The following BRINP1 variants were observed in gnomAD, a reference collection of about 807,000 sequenced individuals.
BRINP1 encodes BMP/retinoic acid inducible neural specific 1.
A neutral mutation model predicts 72.9 loss-of-function variants in BRINP1; 17 were observed. The ratio of observed to expected loss-of-function variants is 0.23; its 90% confidence interval spans 0.16 to 0.35. The LOEUF (loss-of-function observed/expected upper bound fraction) is 0.35. Ranked by LOEUF, BRINP1 falls within the 10% of genes least tolerant of loss-of-function variation. BRINP1 has a pLI of 1.00. For missense variants in BRINP1, 850 were observed against 1,001.6 expected (o/e 0.85, Z 2.04); for synonymous variants, 418 against 378.5 (o/e 1.10, Z -1.21).
At chr9:119,235,155 T>A (rs1443835031) in intron 5 of BRINP1, among the ~76,000 whole-genome samples, 1 of 152,112 alleles carries the variant, frequency 6.6e-6, no homozygotes, top group Non-Finnish European at 1.5e-5. Context: ...CCCCCTCTAA[T>A]TAACTGTCCA....
rs930538411 is a variant in BRINP1, at chr9:119,369,033, C to T, written c.-51+23G>A. 3.0e-5 allele frequency: 12 copies of T among 394,188 alleles called. No individual in the cohort carries two copies. In the East Asian group the frequency reaches 4.3e-4, roughly 14 times the overall value. 24.4% of individuals were successfully genotyped at this position (394,188 alleles called of 1,614,324 possible). A position where few individuals can be genotyped will look rare whatever the true frequency, so the allele number is the denominator to read the frequency against. On this transcript the variant is annotated intron_variant, in intron 1 of 7. Coordinates refer to ENST00000265922, the MANE Select transcript of BRINP1 (RefSeq NM_014618.3). ...GTCCAAGGGCAGCGGGGCTGCGGGGCGCTGCACCCGGCGCCGCCTTACCTG... is the reference window on the plus strand; with the variant it reads ...GTCCAAGGGCAGCGGGGCTGCGGGGTGCTGCACCCGGCGCCGCCTTACCTG...
In BRINP1 at chr9:119,358,202, T is replaced by C. The variant is rs117015120; in HGVS notation, c.-51+10854A>G. Among the ~76,000 whole-genome samples, 726 of 151,522 alleles carry C rather than the reference T, an allele frequency of 4.8e-3. 7 individuals carry two copies. The highest frequency in any genetic ancestry group is 8.6e-3 in the Non-Finnish European group (581 of 67,844). Reference sequence around the variant, plus strand: ...GAAGAGGGGAATCATAAGAAGGAGGTTGATAAACACAGTTCACACAAGAGC... The same window carrying C: ...GAAGAGGGGAATCATAAGAAGGAGGCTGATAAACACAGTTCACACAAGAGC... On this transcript the variant is annotated intron_variant, in intron 1 of 7. Coordinates refer to ENST00000265922, the MANE Select transcript of BRINP1 (RefSeq NM_014618.3).
At position 119,313,140 on chromosome 9, in the gene BRINP1, G is replaced by A; in HGVS notation, c.216C>T (p.Tyr72=). ...RQGFTTRYKI[Y]REFARWKVRN... is the part of the protein sequence containing the mutation. ...GGGCTATTTAGCCCAGGTCTTACCT[G>A]TATATTTTATATCTGGTTGTAAATC... The change falls in exon 2 of 8, where the codon TAC becomes TAT. Residue 72 remains tyrosine (Y), a splice_region_variant and synonymous_variant. Coordinates refer to ENST00000265922, the MANE Select transcript of BRINP1 (RefSeq NM_014618.3). The A allele has an allele frequency of 6.2e-7, 1 of 1,613,606 alleles. No individual in the cohort carries two copies. Among genetic ancestry groups the A allele is most frequent in the Non-Finnish European group, 8.5e-7 (1 of 1,179,962 alleles).
rs180678190 is a variant in BRINP1, at chr9:119,362,372, T to A, written c.-51+6684A>T. On this transcript the variant is annotated intron_variant, in intron 1 of 7. Transcript: ENST00000265922. ...GAGACCTTATAGTTCACTGTCGACA[T>A]CCTCCTCACCACTATCACTACTGAA... 9.1e-4 allele frequency among the ~76,000 whole-genome samples: 138 copies of A among 152,238 alleles called. 1 individual carries two copies. The East Asian group carries it at 0.021, about 23-fold the overall frequency.
At chr9:119,275,032 G>A (rs1275124793) in intron 2 of BRINP1, among the ~76,000 whole-genome samples, 6 of 152,120 alleles carry the variant, frequency 3.9e-5, no homozygotes, top group Non-Finnish European at 8.8e-5. Context: ...GCTTAGATAG[G>A]AATGTGGTTT....
At chr9:119,195,614 T>C (rs1829729985) in intron 7 of BRINP1, among the ~76,000 whole-genome samples, 1 of 152,198 alleles carries the variant, frequency 6.6e-6, no homozygotes. Flanking sequence ...CCACATGGGG[T>C]AAATTTATTT....
chr9:119,332,017 C>T (rs978379006), intron 1 of BRINP1, among the ~76,000 whole-genome samples: 22 of 152,290 alleles, frequency 1.4e-4, no homozygotes, highest in African/African-American at 5.1e-4. Context: ...CATTGCTGAA[C>T]TCTAAGAAAT....
At position 119,321,284 on chromosome 9, in the gene BRINP1, G is replaced by A. The variant is rs142732895; in HGVS notation, c.-50-7879C>T. Reference sequence around the variant, plus strand: ...AGGGGAAACTGAGGTTCAGAAAGGCGAAGTAACTGGCCTCATACCACAAAG... The same window carrying A: ...AGGGGAAACTGAGGTTCAGAAAGGCAAAGTAACTGGCCTCATACCACAAAG... On this transcript the variant is annotated intron_variant, in intron 1 of 7. Transcript: ENST00000265922. Among the ~76,000 whole-genome samples the A allele has an allele frequency of 2.1e-3, 324 of 152,202 alleles. 1 individual carries two copies. The highest frequency in any genetic ancestry group is 7.5e-3 in the African/African-American group (311 of 41,534).
chr9:119,280,968 G>GT (rs957191923), intron 2 of BRINP1, among the ~76,000 whole-genome samples: 3 of 152,176 alleles, frequency 2.0e-5, no homozygotes, highest in Non-Finnish European at 4.4e-5. Flanking sequence ...AGCCACAGAG[G>GT]TTTGATTTTG....
At chr9:119,245,863 CCTT>C (rs748084725) in intron 3 of BRINP1, among the ~76,000 whole-genome samples, 140 of 152,254 alleles carry the variant, frequency 9.2e-4, no homozygotes, top group Non-Finnish European at 1.6e-3. Flanking sequence ...ATTTGCACCT[CCTT>C]CTTTATAGAT....
chr9:119,265,673 C>G (rs529250377), intron 2 of BRINP1, among the ~76,000 whole-genome samples: 135 of 152,280 alleles, frequency 8.9e-4, no homozygotes, highest in African/African-American at 3.0e-3. Flanking sequence ...AACCATGTCT[C>G]TCTCAAACTC....
rs867494933 is a variant in BRINP1, at chr9:119,241,238, C to T, written c.579+809G>A. On this transcript the variant is annotated intron_variant, in intron 4 of 7. Coordinates refer to ENST00000265922, the MANE Select transcript of BRINP1 (RefSeq NM_014618.3). ...CCCAGGTGACTAGTGGCTACTATCT[C>T]GGCTAGCACAGATACAGGGCCTTTC... is the stretch of plus-strand genomic sequence containing the variant. Among the ~76,000 whole-genome samples, 14 of 152,284 alleles carry T rather than the reference C, an allele frequency of 9.2e-5. No individual in the cohort carries two copies. In the Middle Eastern group the frequency reaches 0.014, roughly 148 times the overall value.
intron 3 of BRINP1, 68 bp from the exon 4 acceptor site, chr9:119,242,284 C>G: frequency 8.3e-6 from 11 of 1,320,672 alleles, no homozygotes; most frequent in Non-Finnish European, 1.2e-5. Context: ...GGGATGGGAC[C>G]TGGATGCTGA....
chr9:119,178,870 C>CAAGA (rs1245577020), intron 7 of BRINP1, among the ~76,000 whole-genome samples: 1 of 152,030 alleles, frequency 6.6e-6, no homozygotes, highest in Non-Finnish European at 1.5e-5. Flanking sequence ...AAGAAGAAAG[C>CAAGA]AAGACACAAG....
chr9:119,313,434 G>GA lies in BRINP1; in HGVS notation c.-50-30dup, dbSNP rs547234751. On this transcript the variant is annotated intron_variant, in intron 1 of 7. Transcript: ENST00000265922. ...TAGAAGAAAGAATAAAAAAGAGAGAGAAAAAAAGAGAAACCAAAAGAGAGA... is the reference window on the plus strand; with the variant it reads ...TAGAAGAAAGAATAAAAAAGAGAGAGAAAAAAAAGAGAAACCAAAAGAGAGA... The GA allele has an allele frequency of 6.9e-4, 1,026 of 1,489,684 alleles. 3 individuals carry two copies. The highest frequency in any genetic ancestry group is 6.4e-3 in the African/African-American group (449 of 70,440). 92.3% of individuals were successfully genotyped at this position (1,489,684 alleles called of 1,614,324 possible).
At chr9:119,173,043 C>T (rs1411585743) in intron 7 of BRINP1, among the ~76,000 whole-genome samples, 1 of 146,702 alleles carries the variant, frequency 6.8e-6, no homozygotes, top group East Asian at 2.0e-4. Flanking sequence ...TGGGCAAAAA[C>T]TGGAAGCATT....
intron 6 of BRINP1, 60 bp downstream of exon 6, chr9:119,213,859 G>A (rs756142042): frequency 1.4e-6 from 2 of 1,426,282 alleles, no homozygotes; most frequent in South Asian, 1.2e-5. Context: ...AGTTAGATTA[G>A]CTCCCTTTCA....
chr9:119,200,158 A>T (rs914174351), intron 7 of BRINP1, among the ~76,000 whole-genome samples: 1 of 152,226 alleles, frequency 6.6e-6, no homozygotes, highest in Non-Finnish European at 1.5e-5. Context: ...ATATTCGGAG[A>T]AGCAAATAAT....
At chr9:119,239,760 G>T (rs1830229065) in intron 4 of BRINP1, among the ~76,000 whole-genome samples, 1 of 152,070 alleles carries the variant, frequency 6.6e-6, no homozygotes, top group Non-Finnish European at 1.5e-5. Flanking sequence ...TTTTTGAAGG[G>T]TTTAGCACTT....
Sources: allele counts gnomAD v4.1 joint callset (sites outside exome capture counted in the v4.1 genomes callset), GRCh38; gene constraint gnomAD v4.1.1; transcripts MANE v1.5; gene names NCBI Gene and HGNC (gene_info 2026-07-23, HGNC 2026-07-21).